The following ALMS1 variants were observed in gnomAD, a reference collection of about 807,000 sequenced individuals.
The protein encoded by ALMS1 is ALMS1 centrosome and basal body associated protein.
In ALMS1, 271 loss-of-function variants were observed where a neutral mutation model predicts 352.2. That is an observed-to-expected ratio of 0.77 (90% CI 0.70 to 0.85). The LOEUF (loss-of-function observed/expected upper bound fraction) is 0.85. Ranked by LOEUF, ALMS1 falls within the 40% of genes least tolerant of loss-of-function variation. The pLI is 0.00. For synonymous variants in ALMS1, 1,865 were observed against 1,761.2 expected (o/e 1.06, Z -1.48); for missense variants, 5,445 against 4,870.7 (o/e 1.12, Z -3.51).
chr2:73,393,027 A>G (rs896113033), intron 1 of ALMS1, among the ~76,000 whole-genome samples: 1 of 151,976 alleles, frequency 6.6e-6, no homozygotes, highest in Non-Finnish European at 1.5e-5. Flanking sequence ...TTTGATTTGC[A>G]TTTCCCTTAT....
Position 73,534,694 on chromosome 2 carries a change from C to A in ALMS1, c.9782-130C>A. The A allele has an allele frequency of 2.3e-6, 2 of 880,138 alleles. 1 individual carries two copies. The highest frequency in any genetic ancestry group is 5.1e-5 in the East Asian group (2 of 39,156). 54.5% of individuals were successfully genotyped at this position (880,138 alleles called of 1,614,324 possible). On this transcript the variant is annotated intron_variant, in intron 11 of 22. Transcript: ENST00000613296. Reference sequence around the variant, plus strand: ...CTCATTCTTCTTGAAGGCAGAGATACATTTCTCTTTGTTTACTCATAAATT... The same window carrying A: ...CTCATTCTTCTTGAAGGCAGAGATAAATTTCTCTTTGTTTACTCATAAATT...
Position 73,534,863 on chromosome 2 carries a change from C to A in ALMS1, c.9821C>A (p.Thr3274Asn). The A allele has an allele frequency of 6.2e-7, 1 of 1,613,586 alleles. No individual in the cohort carries two copies. The highest frequency in any genetic ancestry group is 8.5e-7 in the Non-Finnish European group (1 of 1,179,614). ...LLLPYKPSGS[T>N]KMYYVPQLRQ... ...TTGCCATATAAGCCTTCTGGTAGTA[C>A]CAAGATGTATTATGTTCCACAATTA... The change falls in exon 12 of 23, where the codon ACC becomes AAC. Residue 3274 changes from threonine (T) to asparagine (N), a missense_variant. Transcript: ENST00000613296.
intron 13 of ALMS1, among the ~76,000 whole-genome samples, chr2:73,551,936 A>G (rs1272569354): frequency 6.6e-6 from 1 of 152,212 alleles, no homozygotes; most frequent in Middle Eastern, 3.2e-3. Context: ...ATCCCAGGGC[A>G]GTTTTTAAAT....
At chr2:73,546,023 G>T (rs192178057) in intron 12 of ALMS1, among the ~76,000 whole-genome samples, 36 of 152,292 alleles carry the variant, frequency 2.4e-4, no homozygotes, top group Non-Finnish European at 1.2e-4. Flanking sequence ...TTCAGGTGCA[G>T]TGCTATGTTA....
chr2:73,517,749 C>T (rs1673590874), intron 10 of ALMS1, among the ~76,000 whole-genome samples: 1 of 151,808 alleles, frequency 6.6e-6, no homozygotes, highest in South Asian at 2.1e-4. Flanking sequence ...CCCCTGCCCG[C>T]TGGGTTCAAG....
intron 12 of ALMS1, among the ~76,000 whole-genome samples, chr2:73,540,298 C>A (rs551358722): frequency 6.6e-6 from 1 of 152,126 alleles, no homozygotes; most frequent in Non-Finnish European, 1.5e-5. Flanking sequence ...GAAATAAAAT[C>A]CTTTACAGAC....
At chr2:73,464,098 G>A (rs958044526) in intron 9 of ALMS1, among the ~76,000 whole-genome samples, 4 of 152,098 alleles carry the variant, frequency 2.6e-5, no homozygotes, top group Non-Finnish European at 5.9e-5. Context: ...CATTTTATGA[G>A]GCCAGCATCA....
At position 73,424,508 on chromosome 2, in the gene ALMS1, T is replaced by A. The variant is rs1221377566; in HGVS notation, c.843T>A (p.Thr281=). ...TTAGTGAAGCTTTATTCCAGGCTAC[T>A]GCAGAAGTAGCTTCAGACTTAGCAA... ...SEVSEALFQA[T]AEVASDLASS... Residue 281 remains threonine (T), a synonymous_variant, in exon 5 of 23, where the codon ACT becomes ACA. Transcript: ENST00000613296. The A allele has an allele frequency of 5.0e-6, 8 of 1,609,766 alleles. No individual in the cohort carries two copies. The South Asian group carries it at 8.9e-5, about 18-fold the overall frequency.
At chr2:73,432,336 T>G in intron 7 of ALMS1, 45 bp downstream of exon 7, 1 of 1,412,478 alleles carries the variant, frequency 7.1e-7, no homozygotes, top group Non-Finnish European at 1.0e-6. Flanking sequence ...TACGGATACC[T>G]TGTGAAAAAA....
intron 7 of ALMS1, among the ~76,000 whole-genome samples, chr2:73,440,977 C>T (rs976617494): frequency 6.6e-6 from 1 of 152,128 alleles, no homozygotes; most frequent in Non-Finnish European, 1.5e-5. Context: ...CATTGAGGCT[C>T]CCACTCAGTC....
chr2:73,447,830 C>G, intron 7 of ALMS1, 130 bp from the exon 8 acceptor site: 2 of 1,218,316 alleles, frequency 1.6e-6, no homozygotes, highest in Non-Finnish European at 2.2e-6. Flanking sequence ...ATATTTATCT[C>G]CTTTGATGGC....
rs1672956807 is a variant in ALMS1 at position 73,490,509 on chromosome 2, A to G, written c.8550A>G (p.Pro2850=). 1 of 1,614,180 alleles carries G rather than the reference A, an allele frequency of 6.2e-7. No homozygotes were observed. Among genetic ancestry groups the G allele is most frequent in the African/African-American group, 1.3e-5 (1 of 75,064 alleles). The change falls in exon 10 of 23, where the codon CCA becomes CCG. Residue 2850 remains proline, a synonymous_variant. Transcript: ENST00000613296. ...ATACCCTTATTAGCATGGGCAGACC[A>G]AGTTCCACCCTAGGAGTAAACAGAT... ...DNHTLISMGR[P]SSTLGVNRSS... is the part of the protein sequence containing the mutation.
Position 73,450,368 on chromosome 2 carries a change from G to A in ALMS1, c.3841G>A (p.Val1281Ile). 2 of 1,612,962 alleles carry A rather than the reference G, an allele frequency of 1.2e-6. No homozygotes were observed. Among genetic ancestry groups the A allele is most frequent in the Admixed American group, 1.7e-5 (1 of 59,868 alleles). Residue 1281 changes from valine (V) to isoleucine (I), a missense_variant, in exon 8 of 23, where the codon GTA (valine) becomes ATA (isoleucine). By Grantham distance (29) the Val-to-Ile change is conservative. Coordinates refer to ENST00000613296, the MANE Select transcript of ALMS1 (RefSeq NM_001378454.1). ...PVDQTTGTPAVTSTSYSQYRE... is the reference protein window; with the variant it reads ...PVDQTTGTPAITSTSYSQYRE... ...TGACCAGACAACTGGCACACCAGCT[G>A]TAACCTCTACTTCCTACTCACAATA... is the stretch of plus-strand genomic sequence containing the variant.
At chr2:73,468,037 A>G (rs201523565) in intron 9 of ALMS1, among the ~76,000 whole-genome samples, 1 of 152,056 alleles carries the variant, frequency 6.6e-6, no homozygotes, top group East Asian at 1.9e-4. Flanking sequence ...CATATAAAAA[A>G]TAAACTACCT....
chr2:73,440,327 C>T lies in ALMS1; in HGVS notation c.1433-7633C>T, dbSNP rs1444736778. ...GGTTTTCCTGTTTGGAGCTGACTTA[C>T]TTTCTTTAATCTGTAAGTTTATGTC... On this transcript the variant is annotated intron_variant, in intron 7 of 22. Coordinates refer to ENST00000613296, the MANE Select transcript of ALMS1 (RefSeq NM_001378454.1). 2.6e-5 allele frequency among the ~76,000 whole-genome samples: 4 copies of T among 152,094 alleles called. 1 individual carries two copies. The highest frequency in any genetic ancestry group is 1.9e-4 in the East Asian group (1 of 5,170).
At chr2:73,461,147 G>A (rs1672190563) in intron 9 of ALMS1, among the ~76,000 whole-genome samples, 1 of 152,222 alleles carries the variant, frequency 6.6e-6, no homozygotes, top group South Asian at 2.1e-4. Flanking sequence ...CTCCTCAAGT[G>A]GGTCCCTGAC....
chr2:73,397,183 C>T (rs1272456425), intron 1 of ALMS1, among the ~76,000 whole-genome samples: 1 of 152,126 alleles, frequency 6.6e-6, no homozygotes, highest in Non-Finnish European at 1.5e-5. Flanking sequence ...TCGCATTGCA[C>T]CTCCAGCAAT....
rs759799299 is a variant in ALMS1 at position 73,491,065 on chromosome 2, ACTC to A, written c.9112_9114del (p.Pro3038del). ...CTGTACATTAGCAGCATCTGCATCT[ACTC>A]CTCCTTCAAATAGAAAAGCACTTTC... On this transcript the variant is annotated inframe_deletion, in exon 10 of 23. Coordinates refer to ENST00000613296, the MANE Select transcript of ALMS1 (RefSeq NM_001378454.1). 4.6e-5 allele frequency: 74 copies of A among 1,613,974 alleles called. No individual in the cohort carries two copies. The highest frequency in any genetic ancestry group is 6.1e-5 in the Non-Finnish European group (72 of 1,180,024).
rs1480836831 is a variant in ALMS1, at chr2:73,563,739, A to T, written c.10384+4597A>T. On this transcript the variant is annotated intron_variant, in intron 15 of 22. Coordinates refer to ENST00000613296, the MANE Select transcript of ALMS1 (RefSeq NM_001378454.1). The stretch of plus-strand genomic sequence containing the variant: ...CTCCATCTCAAAAAAAAAAAAAAAA[A>T]ATAAAAATAAAAAATGAAGGTATGG... Among the ~76,000 whole-genome samples the T allele has an allele frequency of 1.4e-4, 17 of 123,482 alleles. No homozygotes were observed. In the South Asian group the frequency reaches 3.8e-3, roughly 28 times the overall value. 81.0% of individuals were successfully genotyped at this position (123,482 alleles called of 152,430 possible).
Sources: gnomAD v4.1 joint callset for allele counts (sites outside exome capture counted in the v4.1 genomes callset) on GRCh38, gnomAD v4.1.1 for gene constraint, MANE v1.5 for transcripts, NCBI Gene and HGNC (gene_info 2026-07-23, HGNC 2026-07-21) for gene names.